Variants in ANO3 observed in about 807,000 individuals in gnomAD.
ANO3 encodes the protein anoctamin 3.
ANO3 carries 99 observed loss-of-function variants against 144.8 expected under a neutral mutation model. That is an observed-to-expected ratio of 0.68 (90% CI 0.58 to 0.81). ANO3 has a LOEUF of 0.81. ANO3 is among the 30% of genes least tolerant of loss of function. The pLI, the probability that ANO3 is intolerant of heterozygous loss-of-function variation, is 0.00. For missense variants in ANO3, 905 were observed against 1,202.2 expected, an observed-to-expected ratio of 0.75 and a Z score of 3.66; for synonymous variants, 414 against 392.6, an observed-to-expected ratio of 1.05 and a Z score of -0.64.
intron 12 of ANO3, among the ~76,000 whole-genome samples, chr11:26,552,859 A>C (rs3108885): frequency 6.6e-6 from 1 of 151,876 alleles, no homozygotes; most frequent in South Asian, 2.1e-4. Flanking sequence ...ACTTGAGAAA[A>C]CCAAATAGGT....
chr11:26,203,807 A>C (rs1209179122), intron 1 of ANO3, among the ~76,000 whole-genome samples: 1 of 152,020 alleles, frequency 6.6e-6, no homozygotes, highest in East Asian at 1.9e-4. Context: ...TATATTTTGG[A>C]GTGGCACAGT....
intron 4 of ANO3, among the ~76,000 whole-genome samples, chr11:26,494,011 A>G (rs1462333873): frequency 1.3e-5 from 2 of 152,188 alleles, no homozygotes; most frequent in Non-Finnish European, 2.9e-5. Context: ...AATAATTTTT[A>G]TGATGCTCAG....
At chr11:26,638,375 T>C (rs540220497) in intron 20 of ANO3, among the ~76,000 whole-genome samples, 2 of 152,304 alleles carry the variant, frequency 1.3e-5, no homozygotes, top group African/African-American at 4.8e-5. Flanking sequence ...CCAAAACACA[T>C]AACCCTGGTC....
chr11:26,236,688 G>GGC (rs573378250), intron 1 of ANO3, among the ~76,000 whole-genome samples: 11 of 151,858 alleles, frequency 7.2e-5, no homozygotes, highest in Non-Finnish European at 1.5e-4. Context: ...CATGGTGGCG[G>GGC]GCGCCTGTAG....
chr11:26,564,672 T>C (rs541039777), intron 14 of ANO3, among the ~76,000 whole-genome samples: 99 of 133,166 alleles, frequency 7.4e-4, no homozygotes, highest in Middle Eastern at 3.9e-3. Flanking sequence ...TAAAAACTCA[T>C]ATATATATAC....
At chr11:26,190,664 A>G (rs1004999566) in intron 1 of ANO3, among the ~76,000 whole-genome samples, 3 of 152,128 alleles carry the variant, frequency 2.0e-5, no homozygotes, top group Non-Finnish European at 4.4e-5. Context: ...TATTGTCTTT[A>G]TGCCGTTAGA....
At chr11:26,583,385 G>T (rs1337018692) in intron 14 of ANO3, among the ~76,000 whole-genome samples, 1 of 152,220 alleles carries the variant, frequency 6.6e-6, no homozygotes, top group Non-Finnish European at 1.5e-5. Flanking sequence ...GAAATTTGAA[G>T]TAAAATTAGA....
chr11:26,328,837 G>A (rs1854957572), upstream of ANO3, among the ~76,000 whole-genome samples: 1 of 152,042 alleles, frequency 6.6e-6, no homozygotes. Flanking sequence ...ACATATCATT[G>A]ATAAAGTATG....
intron 14 of ANO3, among the ~76,000 whole-genome samples, chr11:26,568,936 T>C (rs779220454): frequency 3.3e-5 from 5 of 152,116 alleles, no homozygotes; most frequent in Non-Finnish European, 7.4e-5. Flanking sequence ...AGCATTATTA[T>C]GGCATTCGAT....
chr11:26,232,016 C>T (rs1852410240), intron 1 of ANO3, among the ~76,000 whole-genome samples: 1 of 152,156 alleles, frequency 6.6e-6, no homozygotes, highest in Admixed American at 6.5e-5. Flanking sequence ...GATGGCATGT[C>T]AAAGTAAACC....
intron 1 of ANO3, among the ~76,000 whole-genome samples, chr11:26,225,530 G>A (rs1852239758): frequency 6.7e-6 from 1 of 148,452 alleles, no homozygotes; most frequent in African/African-American, 2.4e-5. Context: ...CATCGATTTT[G>A]CAATAACTTT....
chr11:26,290,257 T>A (rs557896213), intron 1 of ANO3, among the ~76,000 whole-genome samples: 1 of 152,272 alleles, frequency 6.6e-6, no homozygotes, highest in South Asian at 2.1e-4. Context: ...AGTGGTGATA[T>A]CCCCTTTATC....
chr11:26,564,692 TACAC>T (rs370277580), intron 14 of ANO3, among the ~76,000 whole-genome samples: 2,236 of 40,844 alleles, frequency 0.055, 349 homozygotes, highest in South Asian at 0.079. Context: ...CTCATATATA[TACAC>T]ACACACACAC....
intron 4 of ANO3, among the ~76,000 whole-genome samples, chr11:26,470,269 G>A (rs567749193): frequency 3.3e-5 from 5 of 151,686 alleles, no homozygotes; most frequent in South Asian, 2.1e-4. Flanking sequence ...AAAATGATCC[G>A]GGTATGGTGG....
chr11:26,408,739 T>A (rs937670993), intron 1 of ANO3, among the ~76,000 whole-genome samples: 34 of 150,984 alleles, frequency 2.3e-4, no homozygotes, highest in African/African-American at 8.0e-4. Flanking sequence ...TGTCCAACAA[T>A]GATAGACTGG....
chr11:26,622,430 G>A (rs74459267), intron 17 of ANO3, among the ~76,000 whole-genome samples: 13 of 134,120 alleles, frequency 9.7e-5, no homozygotes, highest in South Asian at 2.5e-4. Context: ...AGCCATCTCT[G>A]AAAAAAAAAA....
intron 1 of ANO3, among the ~76,000 whole-genome samples, chr11:26,438,961 C>A (rs539088963): frequency 1.3e-5 from 2 of 152,078 alleles, no homozygotes; most frequent in Non-Finnish European, 2.9e-5. Flanking sequence ...ATGCTAAAGA[C>A]GTTGTGGTTT....
rs1590553521 is a variant in ANO3 at position 26,566,946 on chromosome 11, A to T, written c.1447+7167A>T. 4 of 1,045,400 alleles carry T rather than the reference A, an allele frequency of 3.8e-6. No homozygotes were observed. In the South Asian group the frequency reaches 1.4e-4, roughly 38 times the overall value. 64.8% of individuals were successfully genotyped at this position (1,045,400 alleles called of 1,614,324 possible). A position where few individuals can be genotyped will look rare whatever the true frequency, so the allele number is the denominator to read the frequency against. On this transcript the variant is annotated intron_variant, in intron 14 of 26. Transcript: ENST00000256737. ...CTCTAAACAAGATCTAGCCTAAAGT[A>T]AACACTTAATAGATGCTAACCTCCA... is the stretch of plus-strand genomic sequence containing the variant.
At chr11:26,239,041 TTTA>T in intron 1 of ANO3, among the ~76,000 whole-genome samples, 1 of 92,102 alleles carries the variant, frequency 1.1e-5, no homozygotes, top group South Asian at 4.2e-4. Flanking sequence ...ATAAATATAA[TTTA>T]ATATTTATAT....
Sources: gnomAD v4.1 joint callset for allele counts (sites outside exome capture counted in the v4.1 genomes callset) on GRCh38, gnomAD v4.1.1 for gene constraint, MANE v1.5 for transcripts, NCBI Gene and HGNC (gene_info 2026-07-23, HGNC 2026-07-21) for gene names.